The following CDYL2 variants were observed in gnomAD, a reference collection of about 807,000 sequenced individuals.
CDYL2 encodes the protein chromodomain Y like 2.
CDYL2 carries 23 observed loss-of-function variants against 49.4 expected under a neutral mutation model. That is an observed-to-expected ratio of 0.47 (90% CI 0.34 to 0.66). The LOEUF (loss-of-function observed/expected upper bound fraction) is 0.66, where lower values mean the gene tolerates loss of function less well. CDYL2 is among the 30% of genes least tolerant of loss of function. The pLI is 0.01. For missense variants in CDYL2, 678 were observed against 656.4 expected (o/e 1.03, Z -0.36); for synonymous variants, 360 against 268.8 (o/e 1.34, Z -3.32).
rs558714602 is a variant in CDYL2, at chr16:80,713,174, A to G, written c.25-28045T>C. On this transcript the variant is annotated intron_variant, in intron 1 of 6. Coordinates refer to ENST00000570137, the MANE Select transcript of CDYL2 (RefSeq NM_152342.4). ...TTTTTCTACCTCTCCTCCTGCTCAT[A>G]ATGCCCTGTGCAATGTCTGCTACAC... Among the ~76,000 whole-genome samples, 240 of 152,246 alleles carry G rather than the reference A, an allele frequency of 1.6e-3. 1 individual carries two copies. Among genetic ancestry groups the G allele is most frequent in the African/African-American group, 5.6e-3 (234 of 41,540 alleles).
intron 1 of CDYL2, among the ~76,000 whole-genome samples, chr16:80,800,870 T>A (rs1212634667): frequency 6.6e-6 from 1 of 152,146 alleles, no homozygotes; most frequent in African/African-American, 2.4e-5. Flanking sequence ...CACCCAAACA[T>A]CTTAGCAAAA....
intron 2 of CDYL2, among the ~76,000 whole-genome samples, chr16:80,636,544 G>C (rs772537254): frequency 1.3e-5 from 2 of 152,222 alleles, no homozygotes; most frequent in Non-Finnish European, 2.9e-5. Flanking sequence ...TCATTAAGAA[G>C]TCAGGAAACA....
intron 1 of CDYL2, among the ~76,000 whole-genome samples, chr16:80,796,029 A>T (rs1466370446): frequency 6.6e-6 from 1 of 152,264 alleles, no homozygotes; most frequent in Non-Finnish European, 1.5e-5. Context: ...GTCAGGATTC[A>T]ACCAGAGAAG....
At chr16:80,728,401 A>G (rs1905231108) in intron 1 of CDYL2, among the ~76,000 whole-genome samples, 1 of 152,206 alleles carries the variant, frequency 6.6e-6, no homozygotes, top group African/African-American at 2.4e-5. Flanking sequence ...TAGAGAAAAA[A>G]GAATAAAAAG....
chr16:80,667,563 AGCATGAGGTATTG>A (rs1443725712), intron 2 of CDYL2, among the ~76,000 whole-genome samples: 3 of 152,270 alleles, frequency 2.0e-5, no homozygotes, highest in African/African-American at 7.2e-5. Context: ...TCTCCATCAC[AGCATGAGGTATTG>A]CAGTTATTTG....
At chr16:80,768,041 C>A (rs573521179) in intron 1 of CDYL2, among the ~76,000 whole-genome samples, 13 of 152,318 alleles carry the variant, frequency 8.5e-5, no homozygotes, top group African/African-American at 2.9e-4. Flanking sequence ...CTACTCCTCC[C>A]AGTTCATATA....
chr16:80,667,325 C>T (rs965090806), intron 2 of CDYL2, among the ~76,000 whole-genome samples: 1 of 152,186 alleles, frequency 6.6e-6, no homozygotes, highest in Non-Finnish European at 1.5e-5. Flanking sequence ...GGCTGGACTG[C>T]TGTATTCTTT....
intron 4 of CDYL2, among the ~76,000 whole-genome samples, chr16:80,615,291 A>T (rs957742603): frequency 1.3e-5 from 2 of 152,078 alleles, no homozygotes; most frequent in African/African-American, 4.8e-5. Flanking sequence ...ACTGAAAGCA[A>T]TTTGGGGTCT....
intron 6 of CDYL2, among the ~76,000 whole-genome samples, chr16:80,605,260 T>C (rs1906278618): frequency 6.7e-6 from 1 of 150,346 alleles, no homozygotes; most frequent in African/African-American, 2.4e-5. Context: ...TATATACACA[T>C]ATTATGTATT....
intron 1 of CDYL2, among the ~76,000 whole-genome samples, chr16:80,783,908 A>T (rs1907350544): frequency 6.6e-6 from 1 of 152,246 alleles, no homozygotes; most frequent in Non-Finnish European, 1.5e-5. Context: ...GAAAACAGCA[A>T]GTGACACTTA....
At chr16:80,765,007 C>T (rs1157515558) in intron 1 of CDYL2, among the ~76,000 whole-genome samples, 1 of 148,104 alleles carries the variant, frequency 6.8e-6, no homozygotes, top group East Asian at 2.0e-4. Context: ...TTGCAGTGAG[C>T]CGAGATCGCG....
intron 1 of CDYL2, among the ~76,000 whole-genome samples, chr16:80,727,023 C>A (rs1188509794): frequency 1.3e-5 from 2 of 152,162 alleles, no homozygotes; most frequent in East Asian, 3.9e-4. Context: ...GTGGTAGAGG[C>A]TGCAGTGAGC....
At chr16:80,720,808 G>C (rs1459405725) in intron 1 of CDYL2, among the ~76,000 whole-genome samples, 1 of 152,158 alleles carries the variant, frequency 6.6e-6, no homozygotes, top group African/African-American at 2.4e-5. Context: ...GCTACCACTT[G>C]TAATGTTGTT....
chr16:80,630,599 C>T (rs916295213), intron 3 of CDYL2, among the ~76,000 whole-genome samples: 1 of 152,072 alleles, frequency 6.6e-6, no homozygotes, highest in East Asian at 1.9e-4. Flanking sequence ...GAATCCCACA[C>T]AGAGGTCTAC....
intron 1 of CDYL2, among the ~76,000 whole-genome samples, chr16:80,741,826 C>T (rs775071670): frequency 1.9e-4 from 29 of 152,198 alleles, no homozygotes; most frequent in Non-Finnish European, 3.8e-4. Context: ...TACGGGGGAG[C>T]TGTTAATGTT....
chr16:80,672,245 G>T (rs764826063), intron 2 of CDYL2, among the ~76,000 whole-genome samples: 1 of 149,018 alleles, frequency 6.7e-6, no homozygotes, highest in African/African-American at 2.5e-5. Flanking sequence ...TGCCCAATAT[G>T]GAAATAGACG....
At chr16:80,758,772 G>A (rs1327104508) in intron 1 of CDYL2, among the ~76,000 whole-genome samples, 3 of 151,680 alleles carry the variant, frequency 2.0e-5, no homozygotes, top group African/African-American at 7.3e-5. Flanking sequence ...TCAATCTCCT[G>A]ACCTCCTGAT....
intron 1 of CDYL2, among the ~76,000 whole-genome samples, chr16:80,781,242 G>C (rs1907257485): frequency 6.6e-6 from 1 of 152,200 alleles, no homozygotes; most frequent in Non-Finnish European, 1.5e-5. Flanking sequence ...TGAAAAGTTG[G>C]AGAAGTTCTA....
chr16:80,760,431 G>A (rs1906486341), intron 1 of CDYL2, among the ~76,000 whole-genome samples: 1 of 152,060 alleles, frequency 6.6e-6, no homozygotes, highest in Admixed American at 6.6e-5. Context: ...AGCACAACAG[G>A]GTGACTATAG....
Sources: gnomAD v4.1 joint callset for allele counts (sites outside exome capture counted in the v4.1 genomes callset) on GRCh38, gnomAD v4.1.1 for gene constraint, MANE v1.5 for transcripts, NCBI Gene and HGNC (gene_info 2026-07-23, HGNC 2026-07-21) for gene names.